Variants in DYNLT2B observed in about 807,000 individuals in gnomAD.
DYNLT2B encodes the protein dynein light chain Tctex-type 2B, also known as dynein light chain Tctex-type protein 2B.
Under a neutral mutation model 19.5 loss-of-function variants are expected in DYNLT2B, and 14 were observed. The ratio of observed to expected loss-of-function variants is 0.72; its 90% confidence interval spans 0.47 to 1.12. The LOEUF (loss-of-function observed/expected upper bound fraction) is 1.12, where lower values mean the gene tolerates loss of function less well. Ranked by LOEUF, DYNLT2B falls within the 50% of genes most tolerant of loss-of-function variation. DYNLT2B has a pLI of 0.00. For synonymous variants in DYNLT2B, 70 were observed against 59.7 expected, an observed-to-expected ratio of 1.17 and a Z score of -0.79; for missense variants, 133 against 174.7, an observed-to-expected ratio of 0.76 and a Z score of 1.35.
chr3:196,307,853 GT>G (rs1366196956), intron 2 of DYNLT2B, among the ~76,000 whole-genome samples: 2 of 151,674 alleles, frequency 1.3e-5, no homozygotes, highest in African/African-American at 4.8e-5. Context: ...GGTGAGGCCA[GT>G]GGATCACCTG....
In DYNLT2B at chr3:196,291,332, A is replaced by T. The variant is rs898995174; in HGVS notation, c.424T>A (p.Tyr142Asn). The change falls in exon 5 of 5, where the codon TAC (tyrosine) becomes AAC (asparagine). Residue 142 changes from tyrosine to asparagine, a missense_variant. By Grantham distance (143) the Tyr-to-Asn change is moderately radical. Transcript: ENST00000325318. Reference sequence around the variant, plus strand: ...CCAGCTTTTCAAAGATTCATTCAGTAGTAGAAACAGCCAAATGCTGCTACA... The same window carrying T: ...CCAGCTTTTCAAAGATTCATTCAGTTGTAGAAACAGCCAAATGCTGCTACA... ...CVVAAFGCFY[Y>N] is the part of the protein sequence containing the mutation. 6.2e-7 allele frequency: 1 copy of T among 1,611,682 alleles called. No homozygotes were observed. Among genetic ancestry groups the T allele is most frequent in the African/African-American group, 1.3e-5 (1 of 74,854 alleles).
At chr3:196,291,675 T>G (rs993225216) in intron 4 of DYNLT2B, among the ~76,000 whole-genome samples, 5 of 152,178 alleles carry the variant, frequency 3.3e-5, no homozygotes, top group African/African-American at 1.2e-4. Flanking sequence ...AGATGAGGTC[T>G]CACTATGTTG....
At chr3:196,292,003 CAG>C (rs1429771174) in intron 4 of DYNLT2B, among the ~76,000 whole-genome samples, 3 of 152,212 alleles carry the variant, frequency 2.0e-5, no homozygotes, top group African/African-American at 7.2e-5. Context: ...TGATTTATCA[CAG>C]AAATAATGTA....
At chr3:196,313,124 T>G (rs577476431) in intron 2 of DYNLT2B, among the ~76,000 whole-genome samples, 1 of 152,212 alleles carries the variant, frequency 6.6e-6, no homozygotes, top group African/African-American at 2.4e-5. Context: ...GAAACAGGTC[T>G]ACAATATCCC....
At chr3:196,298,795 T>C (rs1016626825) in intron 3 of DYNLT2B, among the ~76,000 whole-genome samples, 1 of 152,170 alleles carries the variant, frequency 6.6e-6, no homozygotes, top group Non-Finnish European at 1.5e-5. Flanking sequence ...GATTTGCCAA[T>C]TCAGGGCACA....
intron 2 of DYNLT2B, among the ~76,000 whole-genome samples, chr3:196,312,034 C>A (rs1398729140): frequency 6.6e-6 from 1 of 152,164 alleles, no homozygotes; most frequent in Non-Finnish European, 1.5e-5. Context: ...GCATGCGCCA[C>A]CACGCCTGGC....
Position 196,318,099 on chromosome 3 carries a change from A to C in DYNLT2B, c.54T>G (p.Ala18=). 6.4e-7 allele frequency: 1 copy of C among 1,560,066 alleles called. No homozygotes were observed. The highest frequency in any genetic ancestry group is 8.6e-7 in the Non-Finnish European group (1 of 1,159,102). ...SFSVGDGVPE[A]EKNAGEPENT... is the part of the protein sequence containing the mutation. ...TCTCGGGCTCCCCTGCGTTCTTCTC[A>C]GCCTCAGGCACCCCGTCGCCCACCG... Residue 18 remains alanine, a synonymous_variant, in exon 1 of 5, where the codon GCT becomes GCG. Transcript: ENST00000325318.
chr3:196,303,991 C>A (rs1726419934), intron 3 of DYNLT2B, among the ~76,000 whole-genome samples: 1 of 152,138 alleles, frequency 6.6e-6, no homozygotes, highest in African/African-American at 2.4e-5. Flanking sequence ...CCACTGCACT[C>A]CAGCGTGGGC....
chr3:196,308,082 G>GAAAAAAA (rs201886079), intron 2 of DYNLT2B, among the ~76,000 whole-genome samples: 4 of 108,994 alleles, frequency 3.7e-5, no homozygotes, highest in Admixed American at 1.9e-4. Flanking sequence ...ACTCCATCTC[G>GAAAAAAA]AAAAAAAAAA....
chr3:196,295,191 G>T (rs1224417010), intron 4 of DYNLT2B, among the ~76,000 whole-genome samples: 8 of 134,946 alleles, frequency 5.9e-5, no homozygotes, highest in Non-Finnish European at 1.3e-4. Context: ...TTATGTGTGT[G>T]TGTGTGTCAC....
rs1726949027 is a variant in DYNLT2B, at chr3:196,318,240, C to T, written c.-88G>A. 3 of 673,994 alleles carry T rather than the reference C, an allele frequency of 4.5e-6. No homozygotes were observed. The South Asian group carries it at 7.3e-5, about 16-fold the overall frequency. The allele number at this position is 673,994 out of a possible 1,614,324, so 41.8% of individuals were successfully genotyped here. A position where few individuals can be genotyped will look rare whatever the true frequency, so the allele number is the denominator to read the frequency against. ...GGCAGCAGGGAAAGCGTCTCCAGGG[C>T]AACAGGGCCGCCCTCCCGCCTCGCT... is the stretch of plus-strand genomic sequence containing the variant. On this transcript the variant is annotated 5_prime_UTR_variant, in exon 1 of 5. Transcript: ENST00000325318.
At chr3:196,307,627 TA>T (rs1388411559) in intron 2 of DYNLT2B, among the ~76,000 whole-genome samples, 1 of 151,894 alleles carries the variant, frequency 6.6e-6, no homozygotes, top group Non-Finnish European at 1.5e-5. Flanking sequence ...CTAAAGCATC[TA>T]AACAGTGCTG....
intron 4 of DYNLT2B, among the ~76,000 whole-genome samples, chr3:196,294,385 C>T (rs1473340871): frequency 1.3e-5 from 2 of 152,114 alleles, no homozygotes; most frequent in Non-Finnish European, 2.9e-5. Flanking sequence ...CTTGGTGAGA[C>T]CATAGAATTT....
At chr3:196,314,334 A>T (rs371784448) in intron 2 of DYNLT2B, among the ~76,000 whole-genome samples, 1 of 151,334 alleles carries the variant, frequency 6.6e-6, no homozygotes. Flanking sequence ...GTGGTGGCGC[A>T]TGCTTGAAAT....
At chr3:196,311,337 G>A (rs1000616376) in intron 2 of DYNLT2B, among the ~76,000 whole-genome samples, 1 of 151,562 alleles carries the variant, frequency 6.6e-6, no homozygotes, top group Non-Finnish European at 1.5e-5. Flanking sequence ...ATTGCTTGAG[G>A]CTGCAGTGAG....
chr3:196,300,362 G>A (rs1726320628), intron 3 of DYNLT2B, among the ~76,000 whole-genome samples: 1 of 152,180 alleles, frequency 6.6e-6, no homozygotes, highest in African/African-American at 2.4e-5. Context: ...GTCAGCACCT[G>A]TTGGAGGTAG....
chr3:196,293,659 T>TTTC (rs1726147593), intron 4 of DYNLT2B, among the ~76,000 whole-genome samples: 1 of 149,182 alleles, frequency 6.7e-6, no homozygotes, highest in South Asian at 2.2e-4. Flanking sequence ...TTTTTTTTTT[T>TTTC]TTTTGAGACA....
chr3:196,312,016 G>A (rs1726656500), intron 2 of DYNLT2B, among the ~76,000 whole-genome samples: 1 of 152,098 alleles, frequency 6.6e-6, no homozygotes, highest in African/African-American at 2.4e-5. Context: ...CTCAGCCTGG[G>A]ATTACAGGCA....
chr3:196,301,858 A>G (rs1414652063), intron 3 of DYNLT2B, among the ~76,000 whole-genome samples: 1 of 152,204 alleles, frequency 6.6e-6, no homozygotes, highest in Non-Finnish European at 1.5e-5. Context: ...GAAAGATACA[A>G]TAACTGAAAT....
Sources: gnomAD v4.1 joint callset for allele counts (sites outside exome capture counted in the v4.1 genomes callset) on GRCh38, gnomAD v4.1.1 for gene constraint, MANE v1.5 for transcripts, NCBI Gene and HGNC (gene_info 2026-07-23, HGNC 2026-07-21) for gene names.